The following GRM7 variants were observed in gnomAD, a reference collection of about 807,000 sequenced individuals.
GRM7 encodes the protein metabotropic glutamate receptor 7.
A neutral mutation model predicts 84.5 loss-of-function variants in GRM7; 35 were observed. The observed-to-expected ratio is 0.41, with a 90% CI of 0.32 to 0.55. GRM7 has a LOEUF of 0.55. Among genes scored for constraint, GRM7 ranks in the 20% least tolerant of loss-of-function variants. GRM7 has a pLI of 0.19. For missense variants in GRM7, 1,003 were observed against 1,194.6 expected (o/e 0.84, Z 2.36); for synonymous variants, 487 against 455.1 (o/e 1.07, Z -0.89).
At chr3:6,941,402 T>G (rs1223220566) in intron 1 of GRM7, among the ~76,000 whole-genome samples, 1 of 152,236 alleles carries the variant, frequency 6.6e-6, no homozygotes, top group East Asian at 1.9e-4. Flanking sequence ...TCTTTGTCTT[T>G]TATTCAAAAC....
intron 4 of GRM7, among the ~76,000 whole-genome samples, chr3:7,350,907 G>A (rs1210919764): frequency 6.6e-6 from 1 of 152,028 alleles, no homozygotes; most frequent in Non-Finnish European, 1.5e-5. Context: ...AAGACAATAT[G>A]ACCAAATGAT....
At chr3:7,364,047 T>A (rs76696126) in intron 4 of GRM7, among the ~76,000 whole-genome samples, 1 of 152,006 alleles carries the variant, frequency 6.6e-6, no homozygotes, top group Non-Finnish European at 1.5e-5. Flanking sequence ...ACTGTGCCAC[T>A]TCTTTACCCT....
intron 2 of GRM7, among the ~76,000 whole-genome samples, chr3:7,182,212 C>G (rs1695362594): frequency 2.0e-5 from 3 of 151,990 alleles, no homozygotes; most frequent in Admixed American, 2.0e-4. Context: ...TCAGAATTTA[C>G]TGATAATGCA....
chr3:7,368,215 G>A (rs1212116075), intron 4 of GRM7, among the ~76,000 whole-genome samples: 1 of 151,956 alleles, frequency 6.6e-6, no homozygotes, highest in African/African-American at 2.4e-5. Context: ...TGTTTCCTGG[G>A]TTACAGAGGT....
chr3:7,630,315 G>C (rs3792451), intron 8 of GRM7, among the ~76,000 whole-genome samples: 4 of 151,930 alleles, frequency 2.6e-5, no homozygotes, highest in Non-Finnish European at 5.9e-5. Flanking sequence ...TGTCTGATTA[G>C]ATGCAAACAA....
chr3:6,890,659 G>T (rs527573158), intron 1 of GRM7, among the ~76,000 whole-genome samples: 1 of 152,084 alleles, frequency 6.6e-6, no homozygotes, highest in Non-Finnish European at 1.5e-5. Flanking sequence ...CAAGTATGTG[G>T]TCAATTTTGG....
intron 2 of GRM7, among the ~76,000 whole-genome samples, chr3:7,170,825 G>C (rs17235018): frequency 0.26 from 39,487 of 152,032 alleles, 5,690 homozygotes; most frequent in Non-Finnish European, 0.33. Context: ...AAACCTACAT[G>C]ATTCTGTATG....
chr3:6,945,967 T>C (rs1305712408), intron 1 of GRM7, among the ~76,000 whole-genome samples: 2 of 152,232 alleles, frequency 1.3e-5, no homozygotes, highest in Non-Finnish European at 2.9e-5. Context: ...TAGCCCTTTG[T>C]CAGATGAGTA....
At chr3:7,617,278 A>C (rs141832717) in intron 8 of GRM7, among the ~76,000 whole-genome samples, 1 of 152,170 alleles carries the variant, frequency 6.6e-6, no homozygotes, top group Non-Finnish European at 1.5e-5. Flanking sequence ...GCATATGAGA[A>C]AGTTTGGTTT....
chr3:7,302,154 T>G (rs1346974109), intron 3 of GRM7, among the ~76,000 whole-genome samples: 2 of 152,110 alleles, frequency 1.3e-5, no homozygotes, highest in Non-Finnish European at 2.9e-5. Context: ...CTAGAAAAAT[T>G]AAAGGTTAAG....
At chr3:6,997,807 A>C (rs1012529116) in intron 1 of GRM7, among the ~76,000 whole-genome samples, 2 of 152,140 alleles carry the variant, frequency 1.3e-5, no homozygotes, top group South Asian at 4.1e-4. Flanking sequence ...TGACAAGGCA[A>C]GTTCTTTCAT....
intron 1 of GRM7, among the ~76,000 whole-genome samples, chr3:7,104,519 C>T (rs549588635): frequency 4.0e-5 from 6 of 151,746 alleles, no homozygotes; most frequent in East Asian, 1.9e-4. Flanking sequence ...CCATTATCAG[C>T]GCTACAGAAA....
chr3:7,242,759 G>C (rs781316543), intron 2 of GRM7, among the ~76,000 whole-genome samples: 1 of 152,062 alleles, frequency 6.6e-6, no homozygotes, highest in Non-Finnish European at 1.5e-5. Flanking sequence ...AATCTATAGT[G>C]CCTCTGATCT....
At position 6,989,814 on chromosome 3, in the gene GRM7, G is replaced by A. The variant is rs574216628; in HGVS notation, c.519+127907G>A. 2.0e-5 allele frequency among the ~76,000 whole-genome samples: 3 copies of A among 152,320 alleles called. No individual in the cohort carries two copies. The South Asian group carries it at 6.2e-4, about 32-fold the overall frequency. The stretch of plus-strand genomic sequence containing the variant: ...TGTAACTAACATCTGTGTGAAAAGA[G>A]CTAGTGTTATCTTGGGACCCATGAA... On this transcript the variant is annotated intron_variant, in intron 1 of 9. Transcript: ENST00000357716.
intron 2 of GRM7, among the ~76,000 whole-genome samples, chr3:7,215,522 A>G (rs535518945): frequency 5.9e-5 from 9 of 151,992 alleles, no homozygotes; most frequent in South Asian, 2.1e-4. Flanking sequence ...AAAATTAGCC[A>G]GGCGTGGTGG....
At chr3:7,519,033 A>G (rs747869715) in intron 7 of GRM7, among the ~76,000 whole-genome samples, 13 of 152,204 alleles carry the variant, frequency 8.5e-5, no homozygotes, top group Non-Finnish European at 1.5e-4. Context: ...TTCTCCCCTC[A>G]ATTTTGCATT....
Position 6,943,726 on chromosome 3 carries a change from C to T in GRM7, c.519+81819C>T, listed in dbSNP as rs575964338. On this transcript the variant is annotated intron_variant, in intron 1 of 9. Transcript: ENST00000357716. Reference sequence around the variant, plus strand: ...TAGCTTGTCAATTTTAACAAAATCACCTGTTGGGTTATGTTTGGGGTTTCA... The same window carrying T: ...TAGCTTGTCAATTTTAACAAAATCATCTGTTGGGTTATGTTTGGGGTTTCA... Among the ~76,000 whole-genome samples the T allele has an allele frequency of 3.9e-4, 59 of 152,066 alleles. No homozygotes were observed. The Middle Eastern group carries it at 0.01, about 26-fold the overall frequency.
At chr3:7,384,210 G>A (rs1156491352) in intron 4 of GRM7, among the ~76,000 whole-genome samples, 1 of 151,996 alleles carries the variant, frequency 6.6e-6, no homozygotes, top group Non-Finnish European at 1.5e-5. Flanking sequence ...TACATTTTTA[G>A]TAGAGACAGG....
intron 1 of GRM7, among the ~76,000 whole-genome samples, chr3:7,043,009 A>G (rs959828935): frequency 1.3e-5 from 2 of 152,194 alleles, no homozygotes; most frequent in Non-Finnish European, 2.9e-5. Context: ...TCAGTGTTAA[A>G]GAGCTAAGTT....
Sources: gnomAD v4.1 joint callset for allele counts (sites outside exome capture counted in the v4.1 genomes callset) on GRCh38, gnomAD v4.1.1 for gene constraint, MANE v1.5 for transcripts, NCBI Gene and HGNC (gene_info 2026-07-23, HGNC 2026-07-21) for gene names.